Variants in CASK observed in about 807,000 individuals in gnomAD.
CASK encodes peripheral plasma membrane protein CASK.
In CASK, 4 loss-of-function variants were observed where a neutral mutation model predicts 82.9. The observed-to-expected ratio is 0.05, with a 90% confidence interval of 0.02 to 0.11. CASK has a LOEUF of 0.11. CASK is among the 10% of genes least tolerant of loss of function. The pLI, the probability that CASK is intolerant of heterozygous loss-of-function variation, is 1.00. For synonymous variants in CASK, 259 were observed against 253.5 expected (o/e 1.02, Z -0.20); for missense variants, 358 against 720.9 (o/e 0.50, Z 5.76).
chrX:41,548,822 C>T (rs1376941130), intron 21 of CASK, among the ~76,000 whole-genome samples: 18 of 112,056 alleles, frequency 1.6e-4, no homozygotes, highest in African/African-American at 5.2e-4. Context: ...TGTTCTTAAG[C>T]TTAAAACAAA....
rs183879898 is a variant in CASK, at chrX:41,729,082, T to G, written c.429+10302A>C. ...TTAGTGACAAACAGTACCTGGCAGT[T>G]AATTTTTTGTGAAATAAATGAATGA... On this transcript the variant is annotated intron_variant, in intron 5 of 26. Coordinates refer to ENST00000378163, the MANE Select transcript of CASK (RefSeq NM_001367721.1). 2.2e-3 allele frequency: 267 copies of G among 123,600 alleles called. 2 individuals carry two copies. The highest frequency in any genetic ancestry group is 8.3e-3 in the African/African-American group (255 of 30,902). 10.2% of individuals were successfully genotyped at this position (123,600 alleles called of 1,213,427 possible).
chrX:41,786,829 G>A (rs1231408951), intron 3 of CASK: 9 of 211,956 alleles, frequency 4.2e-5, no homozygotes, highest in Non-Finnish European at 7.7e-5. Context: ...GTTGCCAAGA[G>A]TCTTGCTACA....
intron 2 of CASK, among the ~76,000 whole-genome samples, chrX:41,841,434 T>G (rs1297137108): frequency 1.8e-5 from 2 of 110,785 alleles, no homozygotes; most frequent in Non-Finnish European, 3.8e-5. Flanking sequence ...GTTCTTTGTA[T>G]ATCTGAGATA....
intron 8 of CASK, among the ~76,000 whole-genome samples, chrX:41,639,814 A>G (rs2066619339): frequency 8.9e-6 from 1 of 111,783 alleles, no homozygotes; most frequent in Admixed American, 9.5e-5. Flanking sequence ...AGACTTTTAT[A>G]TAAATTGAAT....
At chrX:41,864,671 T>C (rs1220723481) in intron 1 of CASK, among the ~76,000 whole-genome samples, 2 of 112,298 alleles carry the variant, frequency 1.8e-5, no homozygotes, top group African/African-American at 3.2e-5. Context: ...TAAATTCTTA[T>C]GGGGGGTAAT....
At chrX:41,804,400 C>G (rs753202542) in intron 2 of CASK, among the ~76,000 whole-genome samples, 5 of 111,575 alleles carry the variant, frequency 4.5e-5, no homozygotes, top group Non-Finnish European at 7.5e-5. Context: ...CAAGAATTCC[C>G]CATGCCATAT....
chrX:41,771,226 G>T (rs977989370), intron 3 of CASK, among the ~76,000 whole-genome samples: 2 of 112,204 alleles, frequency 1.8e-5, no homozygotes, highest in African/African-American at 6.5e-5. Flanking sequence ...ATAGTGGAAT[G>T]ATATCTAATG....
At chrX:41,835,873 G>A (rs1042705798) in intron 2 of CASK, among the ~76,000 whole-genome samples, 3 of 112,038 alleles carry the variant, frequency 2.7e-5, no homozygotes, top group Non-Finnish European at 5.6e-5. Context: ...AGAATAGCAG[G>A]ATCTGATTAG....
At chrX:41,692,320 G>A (rs2067583751) in intron 5 of CASK, among the ~76,000 whole-genome samples, 1 of 111,436 alleles carries the variant, frequency 9.0e-6, no homozygotes, top group African/African-American at 3.3e-5. Flanking sequence ...TGGGGAAGGA[G>A]CCAAGCACTG....
chrX:41,833,244 A>G (rs984510655), intron 2 of CASK, among the ~76,000 whole-genome samples: 4 of 112,135 alleles, frequency 3.6e-5, no homozygotes, highest in Non-Finnish European at 5.6e-5. Flanking sequence ...TAAAAAACTG[A>G]TACAACCCAA....
intron 5 of CASK, among the ~76,000 whole-genome samples, chrX:41,677,380 C>A (rs1204226706): frequency 1.8e-5 from 2 of 111,133 alleles, no homozygotes; most frequent in African/African-American, 6.5e-5. Context: ...AAGAAAAAAT[C>A]TAGCAAAGAA....
intron 15 of CASK, among the ~76,000 whole-genome samples, chrX:41,576,707 T>C (rs1232114294): frequency 8.9e-6 from 1 of 111,837 alleles, no homozygotes; most frequent in Non-Finnish European, 1.9e-5. Context: ...CTAGGTGGGA[T>C]CTTGGGGATC....
At chrX:41,559,873 A>G in intron 17 of CASK, 26 bp from the exon 18 acceptor site, 1 of 1,168,313 alleles carries the variant, frequency 8.6e-7, no homozygotes, top group Non-Finnish European at 1.2e-6. Flanking sequence ...TGGGAAAGAA[A>G]GAAAAGTTTT....
In CASK at chrX:41,671,498, G is replaced by A; in HGVS notation, c.462C>T (p.Asn154=). 8.3e-7 allele frequency: 1 copy of A among 1,205,598 alleles called. No individual in the cohort carries two copies. Among genetic ancestry groups the A allele is most frequent in the Non-Finnish European group, 1.1e-6 (1 of 890,340 alleles). The change falls in exon 6 of 27, where the codon AAC becomes AAT. Residue 154 remains asparagine (N), a synonymous_variant. Transcript: ENST00000378163. ...PHCVLLASKE[N]SAPVKLGGFG... is the part of the protein sequence containing the mutation. ...AGCCTCCAAGTTTAACAGGTGCCGA[G>A]TTTTCTTTTGAGGCAAGGAGAACAC...
intron 2 of CASK, among the ~76,000 whole-genome samples, chrX:41,819,716 G>A (rs771786846): frequency 9.0e-6 from 1 of 111,090 alleles, no homozygotes; most frequent in Non-Finnish European, 1.9e-5. Flanking sequence ...TTACCACATG[G>A]GTATATAAAA....
intron 2 of CASK, among the ~76,000 whole-genome samples, chrX:41,845,041 T>C (rs1270476131): frequency 8.9e-6 from 1 of 111,991 alleles, no homozygotes; most frequent in Non-Finnish European, 1.9e-5. Context: ...CCAGAGAAGA[T>C]ACTTTGTATG....
At chrX:41,542,549 T>TA in intron 22 of CASK, 142 bp downstream of exon 22, 1 of 470,019 alleles carries the variant, frequency 2.1e-6, no homozygotes, top group Admixed American at 3.3e-5. Context: ...AGGGGTTTCT[T>TA]AAAGGTTTTG....
At chrX:41,771,014 G>A (rs1390012739) in intron 3 of CASK, among the ~76,000 whole-genome samples, 1 of 112,264 alleles carries the variant, frequency 8.9e-6, no homozygotes, top group Non-Finnish European at 1.9e-5. Flanking sequence ...CTAAAACCAT[G>A]AATAATATCA....
At chrX:41,864,057 A>G (rs2071542940) in intron 1 of CASK, among the ~76,000 whole-genome samples, 1 of 111,493 alleles carries the variant, frequency 9.0e-6, no homozygotes, top group Non-Finnish European at 1.9e-5. Flanking sequence ...TCCTTAAGAG[A>G]TTTTTATTTC....
Sources: allele counts gnomAD v4.1 joint callset (sites outside exome capture counted in the v4.1 genomes callset), GRCh38; gene constraint gnomAD v4.1.1; transcripts MANE v1.5; gene names NCBI Gene and HGNC (gene_info 2026-07-23, HGNC 2026-07-21).